SSH2: variants seen among roughly 807,000 people sequenced by gnomAD.
The protein encoded by SSH2 is protein phosphatase Slingshot homolog 2.
A neutral mutation model predicts 135.2 loss-of-function variants in SSH2; 37 were observed. The observed-to-expected ratio is 0.27, with a 90% CI of 0.21 to 0.36. SSH2 has a LOEUF of 0.36. SSH2 is among the 10% of genes least tolerant of loss of function. SSH2 has a pLI of 1.00. For missense variants in SSH2, 1,408 were observed against 1,765.3 expected (o/e 0.80, Z 3.63); for synonymous variants, 628 against 646.2 (o/e 0.97, Z 0.43).
chr17:29,745,454 C>A (rs2151217798), intron 3 of SSH2, among the ~76,000 whole-genome samples: 1 of 152,292 alleles, frequency 6.6e-6, no homozygotes, highest in African/African-American at 2.4e-5. Flanking sequence ...GCCACCGCAC[C>A]CAGCTACAAT....
chr17:29,662,327 T>G (rs979615929), intron 11 of SSH2, among the ~76,000 whole-genome samples: 1 of 152,216 alleles, frequency 6.6e-6, no homozygotes, highest in East Asian at 1.9e-4. Flanking sequence ...AAATAAGGAC[T>G]GTACTGTGGG....
chr17:29,772,436 G>A (rs750889457), intron 3 of SSH2, among the ~76,000 whole-genome samples: 2 of 151,784 alleles, frequency 1.3e-5, no homozygotes, highest in Middle Eastern at 3.4e-3. Flanking sequence ...TAGTAGAGAC[G>A]GGGTTTCACC....
At chr17:29,805,222 C>T (rs2042320412) in intron 2 of SSH2, among the ~76,000 whole-genome samples, 1 of 151,992 alleles carries the variant, frequency 6.6e-6, no homozygotes, top group Admixed American at 6.6e-5. Context: ...GCGGCCTGAT[C>T]TCGGCTCACT....
At position 29,636,073 on chromosome 17, in the gene SSH2, T is replaced by C; in HGVS notation, c.2157A>G (p.Val719=). 6.2e-7 allele frequency: 1 copy of C among 1,614,248 alleles called. No homozygotes were observed. The highest frequency in any genetic ancestry group is 1.3e-5 in the African/African-American group (1 of 75,060). Residue 719 remains valine (V), a synonymous_variant, in exon 15 of 16, where the codon GTA becomes GTG. Transcript: ENST00000540801. The part of the protein sequence containing the change: ...GRNESCRLSV[V]EVAPSKVTAD... ...CTGTCACTTTGGAAGGGGCTACTTCTACCACTGACAGTCGACAGCTCTCAT... is the reference window on the plus strand; with the variant it reads ...CTGTCACTTTGGAAGGGGCTACTTCCACCACTGACAGTCGACAGCTCTCAT...
chr17:29,748,476 C>T lies in SSH2; in HGVS notation c.189-45414G>A, dbSNP rs910868961. 2.0e-4 allele frequency among the ~76,000 whole-genome samples: 30 copies of T among 151,940 alleles called. 1 individual carries two copies. The highest frequency in any genetic ancestry group is 2.1e-4 in the South Asian group (1 of 4,820). ...TTAATTTAAAATCAAAGAGGCATCT[C>T]GTACCTCTCTTAAATATTAATATTA... On this transcript the variant is annotated intron_variant, in intron 3 of 15. Coordinates refer to ENST00000540801, the MANE Select transcript of SSH2 (RefSeq NM_001282129.2).
At chr17:29,754,137 T>C (rs896496971) in intron 3 of SSH2, among the ~76,000 whole-genome samples, 2 of 152,208 alleles carry the variant, frequency 1.3e-5, no homozygotes, top group African/African-American at 4.8e-5. Context: ...AGGAATACTT[T>C]AATTAAGGTA....
At chr17:29,635,790 C>CAATG (rs2035892276) in intron 15 of SSH2, among the ~76,000 whole-genome samples, 178 bp downstream of exon 15, 1 of 152,140 alleles carries the variant, frequency 6.6e-6, no homozygotes, top group Non-Finnish European at 1.5e-5. Flanking sequence ...GAAGTGCTTC[C>CAATG]AATGACACCA....
chr17:29,666,739 A>G (rs899926467), intron 11 of SSH2, 128 bp downstream of exon 11: 15 of 818,322 alleles, frequency 1.8e-5, no homozygotes, highest in Admixed American at 1.5e-4. Context: ...AGGTTTGAGT[A>G]CTTATCACTT....
At chr17:29,694,431 G>A (rs924473519) in intron 5 of SSH2, among the ~76,000 whole-genome samples, 1 of 152,340 alleles carries the variant, frequency 6.6e-6, no homozygotes, top group Middle Eastern at 3.4e-3. Context: ...AGCACTTTGG[G>A]AGGCCAAGGT....
At chr17:29,881,916 T>C (rs144134711) in intron 1 of SSH2, among the ~76,000 whole-genome samples, 2 of 152,280 alleles carry the variant, frequency 1.3e-5, no homozygotes, top group African/African-American at 2.4e-5. Flanking sequence ...ACTCAAACTT[T>C]TACAGGCTTC....
intron 1 of SSH2, among the ~76,000 whole-genome samples, chr17:29,862,477 G>A (rs1308451519): frequency 6.6e-6 from 1 of 152,162 alleles, no homozygotes; most frequent in African/African-American, 2.4e-5. Flanking sequence ...GTATAATTAA[G>A]AGACCAACAG....
At chr17:29,701,173 A>G in intron 4 of SSH2, among the ~76,000 whole-genome samples, 1 of 151,948 alleles carries the variant, frequency 6.6e-6, no homozygotes, top group East Asian at 1.9e-4. Flanking sequence ...GAGTTTCACC[A>G]TGTTAGCCAG....
chr17:29,664,335 T>C (rs1598748822), intron 11 of SSH2, among the ~76,000 whole-genome samples: 2 of 148,272 alleles, frequency 1.3e-5, no homozygotes, highest in Admixed American at 6.8e-5. Context: ...ATCATGCCAT[T>C]GCACTCCAGC....
At chr17:29,817,849 C>G (rs548095320) in intron 2 of SSH2, among the ~76,000 whole-genome samples, 21 of 152,156 alleles carry the variant, frequency 1.4e-4, no homozygotes, top group Admixed American at 3.9e-4. Context: ...GCTCAAACTC[C>G]TGGACTCAAG....
chr17:29,823,742 G>A lies in SSH2; in HGVS notation c.144+25107C>T, dbSNP rs1482561680. ...AAAAATACAAAAATTAGCTGAGTGTGGTGACGCGTTCCTGTAATCCCAGCT... is the reference window on the plus strand; with the variant it reads ...AAAAATACAAAAATTAGCTGAGTGTAGTGACGCGTTCCTGTAATCCCAGCT... On this transcript the variant is annotated intron_variant, in intron 2 of 15. Coordinates refer to ENST00000540801, the MANE Select transcript of SSH2 (RefSeq NM_001282129.2). Among the ~76,000 whole-genome samples, 7 of 152,136 alleles carry A rather than the reference G, an allele frequency of 4.6e-5. No homozygotes were observed. In the East Asian group the frequency reaches 1.4e-3, roughly 29 times the overall value.
chr17:29,679,937 A>T (rs73280647), intron 6 of SSH2, among the ~76,000 whole-genome samples: 12 of 152,268 alleles, frequency 7.9e-5, no homozygotes, highest in African/African-American at 2.9e-4. Flanking sequence ...TTTTTTTTAA[A>T]CAAATTATTT....
At chr17:29,828,443 T>C (rs2042783918) in intron 2 of SSH2, among the ~76,000 whole-genome samples, 3 of 152,158 alleles carry the variant, frequency 2.0e-5, no homozygotes, top group Admixed American at 1.3e-4. Context: ...CCCCTCTTCC[T>C]AGTTCCACAA....
intron 3 of SSH2, among the ~76,000 whole-genome samples, chr17:29,727,025 A>T (rs1255036439): frequency 6.6e-6 from 1 of 152,200 alleles, no homozygotes; most frequent in African/African-American, 2.4e-5. Context: ...TCATTTTGTT[A>T]TCACACATGT....
intron 3 of SSH2, among the ~76,000 whole-genome samples, chr17:29,756,449 CCTAT>C (rs1386870125): frequency 4.9e-5 from 6 of 123,624 alleles, no homozygotes; most frequent in Non-Finnish European, 9.3e-5. Context: ...TGCCTGCCTG[CCTAT>C]CTGTCTATCT....
Sources: allele counts gnomAD v4.1 joint callset (sites outside exome capture counted in the v4.1 genomes callset), GRCh38; gene constraint gnomAD v4.1.1; transcripts MANE v1.5; gene names NCBI Gene and HGNC (gene_info 2026-07-23, HGNC 2026-07-21).